Variants in PARD3 observed in about 807,000 individuals in gnomAD.
PARD3 encodes par-3 family cell polarity regulator.
Under a neutral mutation model 155.4 loss-of-function variants are expected in PARD3, and 75 were observed. That is an observed-to-expected ratio of 0.48 (90% confidence interval 0.40 to 0.58). The LOEUF is 0.58. Among genes scored for constraint, PARD3 ranks in the 20% least tolerant of loss-of-function variants. The pLI is 0.00. For synonymous variants in PARD3, 576 were observed against 610.5 expected, an observed-to-expected ratio of 0.94 and a Z score of 0.83; for missense variants, 1,642 against 1,721.7, an observed-to-expected ratio of 0.95 and a Z score of 0.82.
intron 3 of PARD3, among the ~76,000 whole-genome samples, chr10:34,506,598 G>T (rs1041080649): frequency 6.6e-6 from 1 of 152,134 alleles, no homozygotes; most frequent in Non-Finnish European, 1.5e-5. Context: ...ATCTAAGTCT[G>T]CTCCACTGTC....
chr10:34,631,186 T>A (rs143256154), intron 2 of PARD3, among the ~76,000 whole-genome samples: 95 of 152,236 alleles, frequency 6.2e-4, no homozygotes, highest in African/African-American at 2.2e-3. Context: ...TGAGGCAAAA[T>A]GCCCATGTGA....
At chr10:34,259,196 G>A (rs1954822749) in intron 22 of PARD3, among the ~76,000 whole-genome samples, 1 of 152,092 alleles carries the variant, frequency 6.6e-6, no homozygotes, top group South Asian at 2.1e-4. Context: ...CATGCTTCTA[G>A]GAAGCAATTA....
chr10:34,477,322 G>GA (rs2078782424), intron 3 of PARD3, among the ~76,000 whole-genome samples: 1 of 152,098 alleles, frequency 6.6e-6, no homozygotes. Flanking sequence ...TATATCCTCT[G>GA]AAATATTAAA....
intron 22 of PARD3, among the ~76,000 whole-genome samples, chr10:34,145,221 AT>A (rs57442429): frequency 0.015 from 498 of 33,922 alleles, 8 homozygotes; most frequent in East Asian, 0.025. Flanking sequence ...ATATATATAT[AT>A]TTTTTTTTTT....
chr10:34,258,059 A>G (rs947471447), intron 22 of PARD3, among the ~76,000 whole-genome samples: 2 of 152,212 alleles, frequency 1.3e-5, no homozygotes, highest in African/African-American at 2.4e-5. Flanking sequence ...AACTGATCCT[A>G]TAGTATGATG....
chr10:34,211,161 C>T (rs996988787), intron 22 of PARD3, among the ~76,000 whole-genome samples: 3 of 152,208 alleles, frequency 2.0e-5, no homozygotes, highest in Admixed American at 2.0e-4. Context: ...TCCCTGGACC[C>T]TTCATTCTTG....
chr10:34,321,468 C>G (rs1958370977), intron 19 of PARD3, among the ~76,000 whole-genome samples: 2 of 152,182 alleles, frequency 1.3e-5, no homozygotes, highest in Admixed American at 1.3e-4. Context: ...CGATGATTAT[C>G]TCCTTCCAAA....
chr10:34,777,259 C>CA, intron 1 of PARD3, among the ~76,000 whole-genome samples: 1 of 152,222 alleles, frequency 6.6e-6, no homozygotes, highest in East Asian at 1.9e-4. Context: ...CTCAGTCCTT[C>CA]AAGCCCCTTC....
intron 3 of PARD3, among the ~76,000 whole-genome samples, chr10:34,507,540 T>TAAAAAAACAAAAAA (rs1166669918): frequency 5.5e-4 from 24 of 43,284 alleles, no homozygotes; most frequent in African/African-American, 4.0e-3. Flanking sequence ...TCAGATCAAT[T>TAAAAAAACAAAAAA]AAAAAAACAA....
At chr10:34,160,419 C>A (rs531565200) in intron 22 of PARD3, among the ~76,000 whole-genome samples, 14 of 152,316 alleles carry the variant, frequency 9.2e-5, no homozygotes, top group African/African-American at 3.4e-4. Context: ...CAGCTTTGTA[C>A]AATCAGTAGG....
intron 7 of PARD3, among the ~76,000 whole-genome samples, chr10:34,392,803 C>T (rs1329278355): frequency 6.6e-6 from 1 of 152,030 alleles, no homozygotes; most frequent in Non-Finnish European, 1.5e-5. Flanking sequence ...AATCAAAATC[C>T]TGTACACTCT....
intron 22 of PARD3, among the ~76,000 whole-genome samples, chr10:34,185,811 C>CTATATTATATTATAT (rs200395816): frequency 0.013 from 1,908 of 143,714 alleles, 21 homozygotes; most frequent in Admixed American, 0.016. Context: ...GTAACATCTT[C>CTATATTATATTATAT]TATATTATAT....
chr10:34,318,842 T>C (rs570111510), intron 19 of PARD3, among the ~76,000 whole-genome samples: 200 of 152,260 alleles, frequency 1.3e-3, no homozygotes, highest in African/African-American at 4.5e-3. Context: ...CTCGACTCAC[T>C]GCAACCTCCG....
chr10:34,711,505 G>A (rs2094448657), intron 1 of PARD3, among the ~76,000 whole-genome samples: 1 of 152,156 alleles, frequency 6.6e-6, no homozygotes, highest in African/African-American at 2.4e-5. Context: ...TGGGCACAGG[G>A]CGAGACTCTG....
chr10:34,657,073 C>G (rs886211207), intron 2 of PARD3, among the ~76,000 whole-genome samples: 1 of 152,076 alleles, frequency 6.6e-6, no homozygotes, highest in African/African-American at 2.4e-5. Flanking sequence ...TCAAATAAGG[C>G]CCAGGTCTGT....
intron 22 of PARD3, among the ~76,000 whole-genome samples, chr10:34,172,524 A>G (rs1052043778): frequency 6.6e-6 from 1 of 152,066 alleles, no homozygotes; most frequent in Non-Finnish European, 1.5e-5. Context: ...TTATTTAGGG[A>G]CCTTTTAAAA....
rs1445703415 is a variant in PARD3, at chr10:34,594,533, T to TAAAACCTC, written c.223-77375_223-77374insGAGGTTTT. Among the ~76,000 whole-genome samples, 364 of 152,000 alleles carry TAAAACCTC rather than the reference T, an allele frequency of 2.4e-3. 1 individual carries two copies. Among genetic ancestry groups the TAAAACCTC allele is most frequent in the African/African-American group, 8.0e-3 (333 of 41,486 alleles). ...AGACCAGAAAACCTCAAGAATGGAG[T>TAAAACCTC]AAGTGATGCCAGGAATTACGACGAC... On this transcript the variant is annotated intron_variant, in intron 2 of 24. Coordinates refer to ENST00000374788, the MANE Select transcript of PARD3 (RefSeq NM_001184785.2).
intron 2 of PARD3, among the ~76,000 whole-genome samples, chr10:34,659,523 T>C (rs1408575785): frequency 2.0e-5 from 3 of 152,174 alleles, no homozygotes; most frequent in Non-Finnish European, 4.4e-5. Flanking sequence ...TAATGGTTCA[T>C]AGGATAATGC....
intron 19 of PARD3, among the ~76,000 whole-genome samples, chr10:34,325,931 G>A (rs1030200336): frequency 2.6e-5 from 4 of 151,990 alleles, no homozygotes; most frequent in Non-Finnish European, 2.9e-5. Flanking sequence ...GACCAGCCTG[G>A]CCAACATGGT....
Sources: allele counts gnomAD v4.1 joint callset (sites outside exome capture counted in the v4.1 genomes callset), GRCh38; gene constraint gnomAD v4.1.1; transcripts MANE v1.5; gene names NCBI Gene and HGNC (gene_info 2026-07-23, HGNC 2026-07-21).